CLIP4: variants seen among roughly 807,000 people sequenced by gnomAD.
CLIP4 encodes the protein CAP-Gly domain-containing linker protein 4.
A neutral mutation model predicts 73.1 loss-of-function variants in CLIP4; 47 were observed. The observed-to-expected ratio is 0.64, with a 90% CI of 0.51 to 0.82. CLIP4 has a LOEUF of 0.82. Ranked by LOEUF, CLIP4 falls within the 40% of genes least tolerant of loss-of-function variation. The probability of loss-of-function intolerance (pLI) is 0.00; values close to 1 mark genes in which losing one functional copy is unlikely to be tolerated. For missense variants in CLIP4, 874 were observed against 852.9 expected (o/e 1.02, Z -0.31); for synonymous variants, 306 against 295.4 (o/e 1.04, Z -0.37).
chr2:29,178,435 C>T (rs1403091017), intron 15 of CLIP4, among the ~76,000 whole-genome samples: 2 of 152,170 alleles, frequency 1.3e-5, no homozygotes, highest in African/African-American at 4.8e-5. Context: ...CCTGCCTCAG[C>T]CTCCCAAAAT....
intron 15 of CLIP4, among the ~76,000 whole-genome samples, chr2:29,178,203 A>T (rs1455797502): frequency 1.2e-4 from 18 of 149,990 alleles, no homozygotes; most frequent in African/African-American, 3.9e-4. Flanking sequence ...TTTTTGAGAC[A>T]GAGTTTCGCT....
chr2:29,098,057 A>G (rs1379938688), intron 1 of CLIP4: 2 of 152,222 alleles, frequency 1.3e-5, no homozygotes, highest in African/African-American at 4.8e-5. Flanking sequence ...TATTTTAGAC[A>G]GATGAGTGTG....
chr2:29,100,102 A>G (rs961075876), intron 1 of CLIP4, among the ~76,000 whole-genome samples: 2 of 151,572 alleles, frequency 1.3e-5, no homozygotes, highest in Non-Finnish European at 2.9e-5. Context: ...TAATTTTTGT[A>G]TTTTTTTGTA....
intron 2 of CLIP4, 74 bp downstream of exon 2, chr2:29,121,595 T>TA (rs1664252936): frequency 6.7e-7 from 1 of 1,501,372 alleles, no homozygotes; most frequent in Non-Finnish European, 9.0e-7. Flanking sequence ...TTTGCACTCA[T>TA]AGTCTTTCTT....
chr2:29,110,456 T>G (rs1668357256), upstream of CLIP4, among the ~76,000 whole-genome samples: 1 of 152,010 alleles, frequency 6.6e-6, no homozygotes, highest in African/African-American at 2.4e-5. Flanking sequence ...GTTTGGAGAA[T>G]CCAAAAATAT....
chr2:29,175,887 A>T (rs550419985), intron 15 of CLIP4, among the ~76,000 whole-genome samples: 1 of 151,682 alleles, frequency 6.6e-6, no homozygotes, highest in Non-Finnish European at 1.5e-5. Flanking sequence ...TCAGCCTCCC[A>T]AGCAGCTGGG....
Position 29,131,381 on chromosome 2 carries a change from AC to A in CLIP4, c.258del (p.Asp86GlufsTer14), listed in dbSNP as rs758406789. ...GTTCCTCAGGTCCAACAAAACATTG[AC>A]ATTATTGGAAATGAGGTAAGGAATT... is the stretch of plus-strand genomic sequence containing the variant. The part of the protein sequence containing the change: ...QWVPQVQQNI[D>X]IIGNEILKRG... On this transcript the variant is annotated frameshift_variant, in exon 3 of 16. Coordinates refer to ENST00000320081, the MANE Select transcript of CLIP4 (RefSeq NM_024692.6). LOFTEE classifies it high-confidence loss of function. 22 of 1,598,806 alleles carry A rather than the reference AC, an allele frequency of 1.4e-5. No homozygotes were observed. Among genetic ancestry groups the A allele is most frequent in the Non-Finnish European group, 1.9e-5 (22 of 1,175,226 alleles).
intron 9 of CLIP4, among the ~76,000 whole-genome samples, chr2:29,154,672 C>T (rs1326297680): frequency 1.3e-5 from 2 of 152,164 alleles, no homozygotes; most frequent in African/African-American, 4.8e-5. Context: ...AAAGAGGCCT[C>T]ACAATTTTGG....
At chr2:29,175,500 A>G (rs1261580186) in intron 15 of CLIP4, 1 of 152,194 alleles carries the variant, frequency 6.6e-6, no homozygotes, top group Non-Finnish European at 1.5e-5. Flanking sequence ...GAAGGGGGAG[A>G]GGTGTCCAAA....
chr2:29,169,682 T>G (rs1667878510), intron 14 of CLIP4, among the ~76,000 whole-genome samples: 1 of 152,160 alleles, frequency 6.6e-6, no homozygotes, highest in Non-Finnish European at 1.5e-5. Flanking sequence ...ACGTATACAA[T>G]GTGTAATCAT....
chr2:29,180,558 A>G (rs1175563117), intron 15 of CLIP4, among the ~76,000 whole-genome samples: 1 of 152,186 alleles, frequency 6.6e-6, no homozygotes. Flanking sequence ...CATACATAGA[A>G]CATACATACA....
chr2:29,112,008 C>T (rs1668396912), upstream of CLIP4, among the ~76,000 whole-genome samples: 1 of 152,080 alleles, frequency 6.6e-6, no homozygotes, highest in African/African-American at 2.4e-5. Context: ...TTCCCGAATG[C>T]CGTCTTCTAA....
chr2:29,170,884 C>T (rs1297141115), intron 14 of CLIP4, among the ~76,000 whole-genome samples: 1 of 151,606 alleles, frequency 6.6e-6, no homozygotes, highest in Non-Finnish European at 1.5e-5. Flanking sequence ...TGCCTTTGCT[C>T]TTTTTTCAAA....
intron 1 of CLIP4, among the ~76,000 whole-genome samples, chr2:29,120,166 A>T (rs918232843): frequency 6.6e-6 from 1 of 152,210 alleles, no homozygotes; most frequent in East Asian, 1.9e-4. Flanking sequence ...AAGTAATTTT[A>T]GCATCCAAGA....
intron 14 of CLIP4, 84 bp downstream of exon 14, chr2:29,167,624 C>A: frequency 1.1e-6 from 1 of 949,276 alleles, no homozygotes; most frequent in Non-Finnish European, 1.6e-6. Flanking sequence ...GTATTGTATA[C>A]AAAAGGGTCT....
At chr2:29,105,019 C>A (rs1007927832) in intron 1 of CLIP4, among the ~76,000 whole-genome samples, 6 of 152,144 alleles carry the variant, frequency 3.9e-5, no homozygotes, top group African/African-American at 1.4e-4. Context: ...CCAATGGGCA[C>A]ATATCCAAAA....
intron 11 of CLIP4, 145 bp downstream of exon 11, chr2:29,157,492 A>T (rs1169495060): frequency 2.3e-6 from 3 of 1,278,060 alleles, no homozygotes; most frequent in Non-Finnish European, 3.3e-6. Context: ...CCTCCCCCGA[A>T]CCTTAAGCCT....
chr2:29,156,463 C>T lies in CLIP4; in HGVS notation c.1255+20C>T. 1 of 1,492,510 alleles carries T rather than the reference C, an allele frequency of 6.7e-7. No homozygotes were observed. Among genetic ancestry groups the T allele is most frequent in the East Asian group, 2.4e-5 (1 of 41,370 alleles). The allele number at this position is 1,492,510 out of a possible 1,614,324, so 92.5% of individuals were successfully genotyped here. A position where few individuals can be genotyped will look rare whatever the true frequency, so the allele number is the denominator to read the frequency against. On this transcript the variant is annotated intron_variant, in intron 10 of 15. Transcript: ENST00000320081. ...AAGATGGTAATATACCTTGTAACCT[C>T]TGTTTCTCAAAATTTAACTTTTGAT...
At chr2:29,132,074 T>G in intron 3 of CLIP4, 78 bp from the exon 4 acceptor site, 2 of 969,790 alleles carry the variant, frequency 2.1e-6, no homozygotes, top group Non-Finnish European at 3.3e-6. Context: ...TAGACTAACT[T>G]GGTTCCTCAG....
Sources: gnomAD v4.1 joint callset for allele counts (sites outside exome capture counted in the v4.1 genomes callset) on GRCh38, gnomAD v4.1.1 for gene constraint, MANE v1.5 for transcripts, NCBI Gene and HGNC (gene_info 2026-07-23, HGNC 2026-07-21) for gene names.